SHROOM4: variants seen among roughly 807,000 people sequenced by gnomAD.
SHROOM4 encodes the protein shroom family member 4.
SHROOM4 carries 17 observed loss-of-function variants against 80.3 expected under a neutral mutation model. The ratio of observed to expected loss-of-function variants is 0.21; its 90% CI spans 0.14 to 0.32. SHROOM4 has a LOEUF of 0.32. Among genes scored for constraint, SHROOM4 ranks in the 10% least tolerant of loss-of-function variants. The probability of loss-of-function intolerance (pLI) is 1.00; values close to 1 mark genes in which losing one functional copy is unlikely to be tolerated. For synonymous variants in SHROOM4, 400 were observed against 437.5 expected (o/e 0.91, Z 1.07); for missense variants, 993 against 1,140.3 (o/e 0.87, Z 1.86).
At chrX:50,635,768 A>T in intron 3 of SHROOM4, 100 bp from the exon 4 acceptor site, 8 of 678,164 alleles carry the variant, frequency 1.2e-5, no homozygotes, top group African/African-American at 2.4e-5. Context: ...CACAAAAGAG[A>T]GGAGGGTAGG....
intron 1 of SHROOM4, among the ~76,000 whole-genome samples, chrX:50,701,905 C>CA (rs1164308448): frequency 9.1e-6 from 1 of 109,361 alleles, no homozygotes. Flanking sequence ...TGGAGTTCAT[C>CA]AAAATAAAAA....
At chrX:50,813,160 TGGCGGCGGCGGC>T (rs781798597) in intron 1 of SHROOM4, among the ~76,000 whole-genome samples, 7 of 101,997 alleles carry the variant, frequency 6.9e-5, no homozygotes, top group East Asian at 3.2e-4. Flanking sequence ...GCGGCGGCAG[TGGCGGCGGCGGC>T]GGCGGCGGCG....
intron 2 of SHROOM4, among the ~76,000 whole-genome samples, chrX:50,655,550 AT>A (rs1932275876): frequency 9.4e-6 from 1 of 106,397 alleles, no homozygotes; most frequent in Non-Finnish European, 1.9e-5. Flanking sequence ...TATAACATAT[AT>A]TTTTATATAT....
intron 5 of SHROOM4, among the ~76,000 whole-genome samples, chrX:50,618,342 T>G (rs1163050322): frequency 1.1e-4 from 1 of 9,511 alleles, no homozygotes; most frequent in Non-Finnish European, 2.0e-4. Flanking sequence ...CTTCCTTCCT[T>G]CCTTCCTTCC....
intron 1 of SHROOM4, among the ~76,000 whole-genome samples, chrX:50,798,824 C>T (rs1557272339): frequency 9.0e-6 from 1 of 111,628 alleles, no homozygotes; most frequent in East Asian, 2.8e-4. Flanking sequence ...CACATAAAAA[C>T]AGCAATGCCA....
In SHROOM4 at chrX:50,741,875, A is replaced by ATG. The variant is rs782376221; in HGVS notation, c.118-45940_118-45939dup. Among the ~76,000 whole-genome samples, 48 of 111,138 alleles carry ATG rather than the reference A, an allele frequency of 4.3e-4. No individual in the cohort carries two copies. In the East Asian group the frequency reaches 4.8e-3, roughly 11 times the overall value. ...CATGTTTTTGCCTTTTATTCCATTA[A>ATG]TGTGTTACATTTATTAATTTTTAAG... On this transcript the variant is annotated intron_variant, in intron 1 of 8. Transcript: ENST00000376020.
chrX:50,754,802 C>T (rs1327784612), intron 1 of SHROOM4, among the ~76,000 whole-genome samples: 1 of 112,064 alleles, frequency 8.9e-6, no homozygotes, highest in Non-Finnish European at 1.9e-5. Context: ...ATCCACAGCA[C>T]TACCACCAGA....
chrX:50,674,300 GA>G (rs1458337676), intron 2 of SHROOM4, among the ~76,000 whole-genome samples: 1 of 111,311 alleles, frequency 9.0e-6, no homozygotes, highest in Non-Finnish European at 1.9e-5. Context: ...AATAAAGTAA[GA>G]ATCAATATAC....
At chrX:50,709,643 G>A (rs1263884708) in intron 1 of SHROOM4, among the ~76,000 whole-genome samples, 1 of 112,364 alleles carries the variant, frequency 8.9e-6, no homozygotes, top group Non-Finnish European at 1.9e-5. Context: ...TAGTCTATGT[G>A]TCTTTCCTAG....
intron 1 of SHROOM4, among the ~76,000 whole-genome samples, chrX:50,786,863 G>T (rs1557271111): frequency 1.8e-5 from 2 of 111,334 alleles, no homozygotes; most frequent in African/African-American, 6.5e-5. Flanking sequence ...GTTCAAGGAG[G>T]TCAGAAGAAC....
Position 50,635,679 on chromosome X carries a change from C to CAG in SHROOM4, c.405-13_405-12dup. The CAG allele has an allele frequency of 8.3e-7, 1 of 1,203,114 alleles. No homozygotes were observed. Among genetic ancestry groups the CAG allele is most frequent in the Non-Finnish European group, 1.1e-6 (1 of 891,283 alleles). On this transcript the variant is annotated splice_polypyrimidine_tract_variant and intron_variant, in intron 3 of 8. Transcript: ENST00000376020. ...TGCACACACACGTCACTGTAAGACA[C>CAG]AGGGCATACTGGTTAGTTAGCGAAG...
At chrX:50,604,185 G>A (rs1233754198) in intron 6 of SHROOM4, among the ~76,000 whole-genome samples, 1 of 111,992 alleles carries the variant, frequency 8.9e-6, no homozygotes, top group Non-Finnish European at 1.9e-5. Flanking sequence ...TAAGTTTCAA[G>A]CTTGTAACAC....
At chrX:50,742,157 C>A (rs781921421) in intron 1 of SHROOM4, among the ~76,000 whole-genome samples, 237 of 110,296 alleles carry the variant, frequency 2.1e-3, no homozygotes, top group African/African-American at 6.5e-3. Flanking sequence ...TCACTTCCCC[C>A]CTGCTTTGTG....
chrX:50,792,789 G>A (rs1935879744), intron 1 of SHROOM4, among the ~76,000 whole-genome samples: 1 of 107,259 alleles, frequency 9.3e-6, no homozygotes, highest in Non-Finnish European at 1.9e-5. Context: ...TATTAGGATG[G>A]CCATTTTTTT....
intron 3 of SHROOM4, 139 bp downstream of exon 3, chrX:50,638,035 T>A: frequency 1.3e-6 from 1 of 760,585 alleles, no homozygotes; most frequent in Non-Finnish European, 2.0e-6. Context: ...GCACTTGAAC[T>A]CAGGTACTCT....
intron 1 of SHROOM4, among the ~76,000 whole-genome samples, chrX:50,698,855 G>A (rs1233900271): frequency 1.8e-5 from 2 of 111,692 alleles, no homozygotes; most frequent in Admixed American, 9.5e-5. Context: ...GGGGATGGAG[G>A]GGCGAAAGAT....
At chrX:50,701,603 T>G (rs1223982551) in intron 1 of SHROOM4, among the ~76,000 whole-genome samples, 1 of 111,987 alleles carries the variant, frequency 8.9e-6, no homozygotes. Context: ...GAACTTCTGT[T>G]TATATATCTA....
At chrX:50,760,723 A>G (rs1557268813) in intron 1 of SHROOM4, among the ~76,000 whole-genome samples, 1 of 111,768 alleles carries the variant, frequency 8.9e-6, no homozygotes. Context: ...TACATGGTAT[A>G]TCTTTCTCTG....
chrX:50,673,680 A>G (rs915763003), intron 2 of SHROOM4, among the ~76,000 whole-genome samples: 7 of 110,893 alleles, frequency 6.3e-5, no homozygotes, highest in African/African-American at 2.3e-4. Flanking sequence ...AAGCAGGTTG[A>G]AAGTACAAAG....
Sources: gnomAD v4.1 joint callset for allele counts (sites outside exome capture counted in the v4.1 genomes callset) on GRCh38, gnomAD v4.1.1 for gene constraint, MANE v1.5 for transcripts, NCBI Gene and HGNC (gene_info 2026-07-23, HGNC 2026-07-21) for gene names.